Variants in ICA1 observed in about 807,000 individuals in gnomAD.
ICA1 encodes the protein 69 kDa islet cell autoantigen.
In ICA1, 40 loss-of-function variants were observed where a neutral mutation model predicts 71.0. That is an observed-to-expected ratio of 0.56 (90% CI 0.44 to 0.73). The LOEUF (loss-of-function observed/expected upper bound fraction) is 0.73, where lower values mean the gene tolerates loss of function less well. ICA1 is among the 30% of genes least tolerant of loss of function. The probability of loss-of-function intolerance (pLI) is 0.00; values close to 1 mark genes in which losing one functional copy is unlikely to be tolerated. For missense variants in ICA1, 578 were observed against 576.5 expected, an observed-to-expected ratio of 1.00 and a Z score of -0.03; for synonymous variants, 207 against 209.5, an observed-to-expected ratio of 0.99 and a Z score of 0.10.
At chr7:8,201,378 A>T (rs1181318711) in intron 6 of ICA1, among the ~76,000 whole-genome samples, 1 of 152,166 alleles carries the variant, frequency 6.6e-6, no homozygotes, top group Non-Finnish European at 1.5e-5. Flanking sequence ...TGATGGGGTT[A>T]ATGACAAGAG....
intron 6 of ICA1, among the ~76,000 whole-genome samples, chr7:8,201,416 G>A (rs73059575): frequency 3.3e-5 from 5 of 152,258 alleles, no homozygotes; most frequent in Admixed American, 6.5e-5. Context: ...CTGCCCACCC[G>A]TTTCTGGGCT....
Position 8,218,403 on chromosome 7 carries a change from G to A in ICA1, c.481C>T (p.Gln161Ter). The change falls in exon 6 of 14, where the codon CAG (glutamine) becomes TAG (stop). Residue 161 changes from glutamine (Q) to a stop codon, truncating the protein, a stop_gained. Coordinates refer to ENST00000402384, the MANE Select transcript of ICA1 (RefSeq NM_001136020.3). LOFTEE classifies it high-confidence loss of function. Reference protein sequence around the residue: ...DTWLTVNRMEQCRTEYRGALL... With the variant: ...DTWLTVNRME ...GCTCCTCTATATTCCGTCCTGCACT[G>A]TTCCATGCGGTTCACCGTCAGCCAA... 1 of 1,614,134 alleles carries A rather than the reference G, an allele frequency of 6.2e-7. No individual in the cohort carries two copies. Among genetic ancestry groups the A allele is most frequent in the Non-Finnish European group, 8.5e-7 (1 of 1,179,984 alleles).
Position 8,239,823 on chromosome 7 carries a change from G to A in ICA1, c.-79-3818C>T, listed in dbSNP as rs562544740. ...GCACAGCAGTCTGAGATAGAACTGC[G>A]AGGTGTCAGCCTAGCTGGGGCAGGG... On this transcript the variant is annotated intron_variant, in intron 1 of 13. Transcript: ENST00000402384. Among the ~76,000 whole-genome samples, 50 of 152,362 alleles carry A rather than the reference G, an allele frequency of 3.3e-4. No homozygotes were observed. In the South Asian group the frequency reaches 8.9e-3, roughly 27 times the overall value.
chr7:8,206,596 C>T (rs1434787196), intron 6 of ICA1, among the ~76,000 whole-genome samples: 1 of 151,976 alleles, frequency 6.6e-6, no homozygotes, highest in East Asian at 1.9e-4. Flanking sequence ...ATTTGAGAGG[C>T]AGGAAAAGGC....
chr7:8,255,779 CT>C (rs573673718), intron 1 of ICA1, among the ~76,000 whole-genome samples: 158 of 132,844 alleles, frequency 1.2e-3, no homozygotes, highest in Middle Eastern at 3.9e-3. Flanking sequence ...ACTTCTTTCT[CT>C]TTTTTTTTTT....
At chr7:8,136,150 G>T (rs947213372) in intron 12 of ICA1, among the ~76,000 whole-genome samples, 1 of 152,090 alleles carries the variant, frequency 6.6e-6, no homozygotes, top group Non-Finnish European at 1.5e-5. Context: ...CACTGAATGG[G>T]GGTGATTTTC....
At chr7:8,188,377 C>T (rs1222699636) in intron 6 of ICA1, among the ~76,000 whole-genome samples, 2 of 152,188 alleles carry the variant, frequency 1.3e-5, no homozygotes, top group African/African-American at 4.8e-5. Flanking sequence ...CCAAAATTAA[C>T]TCTCCTCAAA....
chr7:8,229,210 A>G (rs561905404), intron 3 of ICA1, among the ~76,000 whole-genome samples: 1 of 152,358 alleles, frequency 6.6e-6, no homozygotes, highest in South Asian at 2.1e-4. Flanking sequence ...AAAACATCTG[A>G]TAAAATGATG....
intron 6 of ICA1, among the ~76,000 whole-genome samples, chr7:8,203,446 C>G (rs1790434569): frequency 6.6e-6 from 1 of 152,184 alleles, no homozygotes; most frequent in South Asian, 2.1e-4. Flanking sequence ...CAGTCATCAT[C>G]ATGAACATCA....
Position 8,218,384 on chromosome 7 carries a change from C to G in ICA1, c.500G>C (p.Arg167Thr), listed in dbSNP as rs1796022786. 6.2e-7 allele frequency: 1 copy of G among 1,614,144 alleles called. No individual in the cohort carries two copies. Among genetic ancestry groups the G allele is most frequent in the Non-Finnish European group, 8.5e-7 (1 of 1,179,978 alleles). Residue 167 changes from arginine to threonine, a missense_variant, in exon 6 of 14, where the codon AGA becomes ACA. Coordinates refer to ENST00000402384, the MANE Select transcript of ICA1 (RefSeq NM_001136020.3). Reference sequence around the variant, plus strand: ...GTCCTTCATCCATAATAGTGCTCCTCTATATTCCGTCCTGCACTGTTCCAT... The same window carrying G: ...GTCCTTCATCCATAATAGTGCTCCTGTATATTCCGTCCTGCACTGTTCCAT... ...NRMEQCRTEY[R>T]GALLWMKDVS...
chr7:8,216,092 A>G (rs1031282804), intron 6 of ICA1, among the ~76,000 whole-genome samples: 7 of 152,234 alleles, frequency 4.6e-5, no homozygotes, highest in African/African-American at 1.7e-4. Flanking sequence ...GCAAAACCAC[A>G]TAAGTCAATT....
intron 6 of ICA1, among the ~76,000 whole-genome samples, chr7:8,213,806 C>T (rs1293135089): frequency 6.6e-6 from 1 of 152,148 alleles, no homozygotes; most frequent in Non-Finnish European, 1.5e-5. Flanking sequence ...AAGGTCCCAC[C>T]GAGTAAGCCA....
At chr7:8,150,637 C>T (rs1240323666) in intron 8 of ICA1, among the ~76,000 whole-genome samples, 1 of 152,200 alleles carries the variant, frequency 6.6e-6, no homozygotes, top group Non-Finnish European at 1.5e-5. Context: ...AGTGACCTTC[C>T]CCTTCAATAT....
At chr7:8,214,662 A>C (rs1268936855) in intron 6 of ICA1, among the ~76,000 whole-genome samples, 1 of 152,126 alleles carries the variant, frequency 6.6e-6, no homozygotes, top group Non-Finnish European at 1.5e-5. Flanking sequence ...ACAGACACTT[A>C]ATAAATGCTC....
chr7:8,227,978 A>C, intron 4 of ICA1: 1 of 312,860 alleles, frequency 3.2e-6, no homozygotes, highest in Non-Finnish European at 6.6e-6. Context: ...GGCAGCAGTC[A>C]GCAACAGAAA....
chr7:8,218,527 C>G, intron 5 of ICA1, 24 bp from the exon 6 acceptor site: 1 of 1,601,666 alleles, frequency 6.2e-7, no homozygotes, highest in South Asian at 1.1e-5. Flanking sequence ...CAAAGCCACA[C>G]TCTCAAAACT....
At chr7:8,205,589 TAAAC>T (rs1256357066) in intron 6 of ICA1, among the ~76,000 whole-genome samples, 4 of 152,222 alleles carry the variant, frequency 2.6e-5, no homozygotes, top group African/African-American at 9.6e-5. Flanking sequence ...AAGCTAGTAA[TAAAC>T]AAATATTATG....
chr7:8,213,280 C>T (rs954117790), intron 6 of ICA1, among the ~76,000 whole-genome samples: 18 of 152,284 alleles, frequency 1.2e-4, no homozygotes, highest in African/African-American at 4.3e-4. Flanking sequence ...ATGGAATAAG[C>T]CCCCTACCCT....
At chr7:8,117,815 C>T (rs1785263948) in intron 13 of ICA1, among the ~76,000 whole-genome samples, 1 of 152,208 alleles carries the variant, frequency 6.6e-6, no homozygotes, top group Admixed American at 6.5e-5. Flanking sequence ...GAATGCCACT[C>T]AGTATATGGC....
Sources: allele counts gnomAD v4.1 joint callset (sites outside exome capture counted in the v4.1 genomes callset), GRCh38; gene constraint gnomAD v4.1.1; transcripts MANE v1.5; gene names NCBI Gene and HGNC (gene_info 2026-07-23, HGNC 2026-07-21).